The following ANO3 variants were observed in gnomAD, a reference collection of about 807,000 sequenced individuals.
The protein encoded by ANO3 is anoctamin-3.
Under a neutral mutation model 144.8 loss-of-function variants are expected in ANO3, and 99 were observed. The observed-to-expected ratio is 0.68, with a 90% CI of 0.58 to 0.81. The LOEUF is 0.81. Among genes scored for constraint, ANO3 ranks in the 30% least tolerant of loss-of-function variants. ANO3 has a pLI of 0.00. For synonymous variants in ANO3, 414 were observed against 392.6 expected, an observed-to-expected ratio of 1.05 and a Z score of -0.64; for missense variants, 905 against 1,202.2, an observed-to-expected ratio of 0.75 and a Z score of 3.66.
intron 4 of ANO3, chr11:26,473,929 G>A (rs1859869720): frequency 2.0e-6 from 2 of 984,996 alleles, no homozygotes; most frequent in Non-Finnish European, 2.4e-6. Context: ...CTGGCATTTA[G>A]AGAGTAGGCT....
At chr11:26,234,657 C>T (rs1274941166) in intron 1 of ANO3, among the ~76,000 whole-genome samples, 1 of 152,102 alleles carries the variant, frequency 6.6e-6, no homozygotes, top group Non-Finnish European at 1.5e-5. Context: ...TGATGTATGA[C>T]CTATACTCAC....
intron 2 of ANO3, among the ~76,000 whole-genome samples, chr11:26,442,964 T>A (rs1858574274): frequency 6.6e-6 from 1 of 152,016 alleles, no homozygotes; most frequent in Non-Finnish European, 1.5e-5. Context: ...CTGGGTTTCA[T>A]CATGTTTGTC....
chr11:26,481,311 G>C (rs1860206627), intron 4 of ANO3, among the ~76,000 whole-genome samples: 1 of 152,042 alleles, frequency 6.6e-6, no homozygotes, highest in South Asian at 2.1e-4. Context: ...GAAATTCAAG[G>C]AGGAGGAGGA....
At chr11:26,597,471 A>C (rs1851668908) in intron 14 of ANO3, among the ~76,000 whole-genome samples, 1 of 152,176 alleles carries the variant, frequency 6.6e-6, no homozygotes, top group African/African-American at 2.4e-5. Flanking sequence ...TCGCTGAATC[A>C]GGAGCACAGT....
At chr11:26,395,718 G>A (rs1345184606) in intron 1 of ANO3, among the ~76,000 whole-genome samples, 1 of 145,292 alleles carries the variant, frequency 6.9e-6, no homozygotes, top group Non-Finnish European at 1.5e-5. Flanking sequence ...TTAATAAATG[G>A]TGTTGGGAAA....
In ANO3 at chr11:26,342,329, A is replaced by G. The variant is rs375752032; in HGVS notation, c.46+10008A>G. Reference sequence around the variant, plus strand: ...TGAAACTTAACAAAAATGTAATGATATTAAGAGATGTGACCTTTAGGAGGT... The same window carrying G: ...TGAAACTTAACAAAAATGTAATGATGTTAAGAGATGTGACCTTTAGGAGGT... On this transcript the variant is annotated intron_variant, in intron 1 of 26. Transcript: ENST00000256737. 1.1e-4 allele frequency among the ~76,000 whole-genome samples: 16 copies of G among 152,320 alleles called. No homozygotes were observed. The East Asian group carries it at 1.4e-3, about 13-fold the overall frequency.
At chr11:26,318,178 C>T (rs112412541) in intron 1 of ANO3, among the ~76,000 whole-genome samples, 10 of 152,072 alleles carry the variant, frequency 6.6e-5, no homozygotes, top group South Asian at 4.2e-4. Flanking sequence ...TGATGGGTGC[C>T]GCAAACCACC....
At chr11:26,195,462 T>C (rs1451463764) in intron 1 of ANO3, among the ~76,000 whole-genome samples, 1 of 152,064 alleles carries the variant, frequency 6.6e-6, no homozygotes, top group East Asian at 1.9e-4. Flanking sequence ...TAATTAAGAG[T>C]TAATGTAGCC....
intron 1 of ANO3, among the ~76,000 whole-genome samples, chr11:26,435,160 A>C (rs184160896): frequency 1.1e-3 from 161 of 152,276 alleles, no homozygotes; most frequent in Middle Eastern, 3.4e-3. Context: ...ATTCTTTACC[A>C]TTATGTAATG....
chr11:26,604,675 A>G (rs540704909), intron 17 of ANO3, among the ~76,000 whole-genome samples: 6 of 152,110 alleles, frequency 3.9e-5, no homozygotes, highest in African/African-American at 1.2e-4. Flanking sequence ...CTTTGTAGCA[A>G]TTGTGAGTGG....
intron 1 of ANO3, among the ~76,000 whole-genome samples, chr11:26,377,278 C>A (rs950222267): frequency 6.6e-6 from 1 of 151,962 alleles, no homozygotes; most frequent in African/African-American, 2.4e-5. Flanking sequence ...CAAAAGACTT[C>A]AGATATTGAA....
chr11:26,563,395 CTG>C (rs71047867), intron 14 of ANO3: 26,811 of 536,808 alleles, frequency 0.05, 547 homozygotes, highest in African/African-American at 0.15. Context: ...GTTTCTCTCT[CTG>C]TGTGTGTGTG....
At chr11:26,476,734 TGA>T (rs1011087039) in intron 4 of ANO3, among the ~76,000 whole-genome samples, 1 of 151,890 alleles carries the variant, frequency 6.6e-6, no homozygotes, top group Non-Finnish European at 1.5e-5. Flanking sequence ...AAAGGTAAGG[TGA>T]ATATATCAGA....
In ANO3 at chr11:26,463,189, T is replaced by A. The variant is rs763041743; in HGVS notation, c.432+41T>A. 7.3e-6 allele frequency: 8 copies of A among 1,094,904 alleles called. No individual in the cohort carries two copies. The Admixed American group carries it at 1.3e-4, about 18-fold the overall frequency. The allele number at this position is 1,094,904 out of a possible 1,614,324, so 67.8% of individuals were successfully genotyped here. A position where few individuals can be genotyped will look rare whatever the true frequency, so the allele number is the denominator to read the frequency against. ...TTATCAATAAGTCATTTTTAGAGCA[T>A]CATTTTTAAAACCTTACAATATTCA... On this transcript the variant is annotated intron_variant, in intron 4 of 26. Coordinates refer to ENST00000256737, the MANE Select transcript of ANO3 (RefSeq NM_031418.4).
At position 26,639,184 on chromosome 11, in the gene ANO3, T is replaced by C. The variant is rs758604702; in HGVS notation, c.2084T>C (p.Met695Thr). ...SGCLIDLCLQ[M>T]GVIMFLKQIW... ...TGTTTGATAGACCTCTGCCTCCAGA[T>C]GGGTGTCATCATGTTTTTGAAGCAA... The change falls in exon 21 of 27, where the codon ATG (methionine) becomes ACG (threonine). Residue 695 changes from methionine (M) to threonine (T), a missense_variant. Met to Thr is a moderately conservative substitution (Grantham distance 81). Around this residue, in one of 4 missense-constraint regions of ANO3, gnomAD observed 597 missense variants for 865.1 expected, o/e 0.69. Transcript: ENST00000256737. 1 of 1,613,610 alleles carries C rather than the reference T, an allele frequency of 6.2e-7. No homozygotes were observed. Among genetic ancestry groups the C allele is most frequent in the Non-Finnish European group, 8.5e-7 (1 of 1,179,624 alleles).
chr11:26,357,174 C>T (rs1855805096), intron 1 of ANO3, among the ~76,000 whole-genome samples: 1 of 152,192 alleles, frequency 6.6e-6, no homozygotes, highest in Admixed American at 6.5e-5. Flanking sequence ...ACAAGTAAAG[C>T]TGCTGTGAAC....
At chr11:26,426,118 A>C (rs1590348923) in intron 1 of ANO3, among the ~76,000 whole-genome samples, 1 of 152,256 alleles carries the variant, frequency 6.6e-6, no homozygotes, top group African/African-American at 2.4e-5. Flanking sequence ...TGTGTCTGTA[A>C]ATGGGTGCAC....
intron 14 of ANO3, among the ~76,000 whole-genome samples, chr11:26,582,800 G>T (rs1220906492): frequency 6.6e-6 from 1 of 152,108 alleles, no homozygotes; most frequent in Non-Finnish European, 1.5e-5. Flanking sequence ...CTAGATTTCA[G>T]AAGTAAATAA....
chr11:26,584,148 TTTG>T (rs551585188), intron 14 of ANO3, among the ~76,000 whole-genome samples: 12,030 of 71,716 alleles, frequency 0.17, 1,255 homozygotes, highest in African/African-American at 0.33. Flanking sequence ...GTCTTGTTTT[TTTG>T]TTTGTTTGTT....
Sources: allele counts gnomAD v4.1 joint callset (sites outside exome capture counted in the v4.1 genomes callset), GRCh38; gene constraint gnomAD v4.1.1; regional missense constraint gnomAD v4.1.1; transcripts MANE v1.5; gene names NCBI Gene and HGNC (gene_info 2026-07-23, HGNC 2026-07-21).